The following PUM1 variants were observed in gnomAD, a reference collection of about 807,000 sequenced individuals.
PUM1 encodes the protein pumilio RNA binding family member 1.
In PUM1, 13 loss-of-function variants were observed where a neutral mutation model predicts 131.8. The ratio of observed to expected loss-of-function variants is 0.10; its 90% confidence interval spans 0.06 to 0.16. The LOEUF is 0.16. PUM1 is among the 10% of genes least tolerant of loss of function. The pLI is 1.00. For synonymous variants in PUM1, 509 were observed against 556.5 expected (o/e 0.91, Z 1.20); for missense variants, 961 against 1,512.4 (o/e 0.64, Z 6.05).
At chr1:31,064,621 T>C (rs964572708) in intron 1 of PUM1, among the ~76,000 whole-genome samples, 4 of 151,936 alleles carry the variant, frequency 2.6e-5, no homozygotes, top group Non-Finnish European at 5.9e-5. Context: ...ATCCCAGTAA[T>C]AACAGGAATT....
chr1:31,003,338 C>G (rs1031108736), intron 5 of PUM1, among the ~76,000 whole-genome samples: 1 of 152,142 alleles, frequency 6.6e-6, no homozygotes, highest in Non-Finnish European at 1.5e-5. Context: ...TGTATGCATA[C>G]TATGACAAAA....
intron 5 of PUM1, among the ~76,000 whole-genome samples, chr1:31,004,023 C>CA (rs1282600544): frequency 2.0e-5 from 3 of 152,180 alleles, no homozygotes; most frequent in African/African-American, 7.2e-5. Flanking sequence ...CTCAGCAGCT[C>CA]AGTAAATTAT....
chr1:31,010,031 AT>A (rs1376368623), intron 3 of PUM1, among the ~76,000 whole-genome samples: 2 of 152,120 alleles, frequency 1.3e-5, no homozygotes, highest in African/African-American at 4.8e-5. Context: ...TTCAGGGTAA[AT>A]TCTCTCAAAA....
chr1:30,962,257 C>CATT (rs1640444171), intron 14 of PUM1, among the ~76,000 whole-genome samples: 1 of 152,122 alleles, frequency 6.6e-6, no homozygotes, highest in East Asian at 1.9e-4. Context: ...ATAACTCACA[C>CATT]TAATAGTTAT....
chr1:31,062,008 C>T (rs1644378496), intron 1 of PUM1: 1 of 152,170 alleles, frequency 6.6e-6, no homozygotes, highest in Admixed American at 6.5e-5. Context: ...ATCACAAAAG[C>T]ATTGAAAGGT....
chr1:30,937,172 C>A (rs1294340733), intron 20 of PUM1, among the ~76,000 whole-genome samples: 1 of 152,082 alleles, frequency 6.6e-6, no homozygotes, highest in African/African-American at 2.4e-5. Context: ...TGGGACCCGG[C>A]CCTCTAACGG....
At chr1:30,942,192 TATATATATATATATATATATATATATA>T in intron 18 of PUM1, 69 bp from the exon 19 acceptor site, 1 of 160,016 alleles carries the variant, frequency 6.2e-6, no homozygotes, top group Non-Finnish European at 9.2e-6. Flanking sequence ...CAGTATTGTT[TATATATATATATATATATATATATATA>T]TATATATATA....
intron 2 of PUM1, chr1:31,055,308 T>G (rs976413157): frequency 1.3e-5 from 6 of 455,932 alleles, no homozygotes; most frequent in African/African-American, 8.0e-5. Context: ...GACCCACTCC[T>G]TTACCTGAGC....
chr1:30,974,100 AAG>A lies in PUM1; in HGVS notation c.1506+549_1506+550del, dbSNP rs1406528084. The stretch of plus-strand genomic sequence containing the variant: ...TAGACTCCATCTCAAAAAAAAAAAA[AAG>A]GTGTTATTCTAGCAATCAAGGAGGA... On this transcript the variant is annotated intron_variant, in intron 10 of 21. Transcript: ENST00000426105. Among the ~76,000 whole-genome samples the A allele has an allele frequency of 7.2e-4, 54 of 75,446 alleles. No homozygotes were observed. The South Asian group carries it at 8.7e-3, about 12-fold the overall frequency. The allele number at this position is 75,446 out of a possible 152,430, so 49.5% of individuals were successfully genotyped here.
chr1:31,001,045 G>C (rs958799593), intron 5 of PUM1, among the ~76,000 whole-genome samples: 8 of 151,862 alleles, frequency 5.3e-5, no homozygotes, highest in Admixed American at 2.0e-4. Context: ...AAATTAGCTG[G>C]GCATGGTGGT....
intron 7 of PUM1, among the ~76,000 whole-genome samples, chr1:30,987,456 A>G (rs1641608877): frequency 6.6e-6 from 1 of 152,140 alleles, no homozygotes; most frequent in South Asian, 2.1e-4. Context: ...CGGCCTCCCA[A>G]AGTGCTGAGA....
chr1:30,966,818 C>CA (rs972133015), intron 12 of PUM1, among the ~76,000 whole-genome samples: 3 of 152,062 alleles, frequency 2.0e-5, no homozygotes, highest in African/African-American at 7.2e-5. Context: ...GCCCCTGTGG[C>CA]AAAAAACAAC....
intron 2 of PUM1, among the ~76,000 whole-genome samples, chr1:31,044,649 A>G (rs1643910672): frequency 6.6e-6 from 1 of 152,160 alleles, no homozygotes; most frequent in East Asian, 1.9e-4. Context: ...ATGCACAACA[A>G]TGAATACACT....
chr1:30,974,610 A>G (rs755337522), intron 10 of PUM1, 41 bp downstream of exon 10: 1 of 1,545,224 alleles, frequency 6.5e-7, no homozygotes, highest in Non-Finnish European at 8.7e-7. Flanking sequence ...CCACAATACT[A>G]CGATTCCCAC....
intron 2 of PUM1, among the ~76,000 whole-genome samples, chr1:31,033,548 A>G (rs1643510320): frequency 6.6e-6 from 1 of 151,868 alleles, no homozygotes; most frequent in South Asian, 2.1e-4. Flanking sequence ...TATTTTTTGA[A>G]GAAGACGAGG....
intron 1 of PUM1, among the ~76,000 whole-genome samples, 157 bp from the exon 2 acceptor site, chr1:31,059,734 A>C (rs143347835): frequency 0.012 from 1,896 of 152,272 alleles, 20 homozygotes; most frequent in Non-Finnish European, 0.02. Context: ...CAATACTACC[A>C]CTTCAGAGAA....
intron 16 of PUM1, 118 bp downstream of exon 16, chr1:30,952,116 A>G: frequency 8.4e-6 from 8 of 954,430 alleles, no homozygotes; most frequent in Non-Finnish European, 1.3e-5. Context: ...CTTCAAAAAG[A>G]CCACACACCC....
intron 20 of PUM1, among the ~76,000 whole-genome samples, chr1:30,938,002 C>T (rs1008427367): frequency 1.3e-5 from 2 of 152,000 alleles, no homozygotes; most frequent in African/African-American, 4.8e-5. Flanking sequence ...AAACTCCCAA[C>T]CTCAAGCAAT....
intron 15 of PUM1, among the ~76,000 whole-genome samples, chr1:30,952,686 G>GA (rs1639990410): frequency 2.5e-5 from 1 of 40,206 alleles, no homozygotes; most frequent in Non-Finnish European, 4.2e-5. Flanking sequence ...GGGGGGGCGG[G>GA]GGGGGGGCGG....
Sources: allele counts gnomAD v4.1 joint callset (sites outside exome capture counted in the v4.1 genomes callset), GRCh38; gene constraint gnomAD v4.1.1; transcripts MANE v1.5; gene names NCBI Gene and HGNC (gene_info 2026-07-23, HGNC 2026-07-21).